The following DLGAP1 variants were observed in gnomAD, a reference collection of about 807,000 sequenced individuals.
DLGAP1 encodes disks large-associated protein 1.
A neutral mutation model predicts 90.8 loss-of-function variants in DLGAP1; 11 were observed. The ratio of observed to expected loss-of-function variants is 0.12; its 90% CI spans 0.08 to 0.20. DLGAP1 has a LOEUF of 0.20. Ranked by LOEUF, DLGAP1 falls within the 10% of genes least tolerant of loss-of-function variation. The pLI, the probability that DLGAP1 is intolerant of heterozygous loss-of-function variation, is 1.00. For missense variants in DLGAP1, 1,050 were observed against 1,333.8 expected (o/e 0.79, Z 3.31); for synonymous variants, 558 against 540.7 (o/e 1.03, Z -0.44).
At chr18:4,212,299 C>T (rs2077859641) in intron 1 of DLGAP1, among the ~76,000 whole-genome samples, 1 of 151,966 alleles carries the variant, frequency 6.6e-6, no homozygotes, top group Non-Finnish European at 1.5e-5. Flanking sequence ...TTAAAACATA[C>T]CATATATGTC....
At chr18:4,212,767 C>A (rs1450759288) in intron 1 of DLGAP1, among the ~76,000 whole-genome samples, 1 of 151,886 alleles carries the variant, frequency 6.6e-6, no homozygotes, top group Non-Finnish European at 1.5e-5. Context: ...ATATACGTCA[C>A]ATAGATTATA....
chr18:3,607,622 C>T (rs1274696065), intron 7 of DLGAP1: 1 of 152,214 alleles, frequency 6.6e-6, no homozygotes, highest in Non-Finnish European at 1.5e-5. Context: ...AACTGGGCTG[C>T]AGCATATTTT....
chr18:4,175,365 G>A (rs1239085899), intron 1 of DLGAP1, among the ~76,000 whole-genome samples: 1 of 152,090 alleles, frequency 6.6e-6, no homozygotes. Flanking sequence ...CATTCTGTAG[G>A]TTGTCTGTTG....
At chr18:4,372,305 A>C (rs1336094059) in intron 1 of DLGAP1, among the ~76,000 whole-genome samples, 4 of 152,242 alleles carry the variant, frequency 2.6e-5, no homozygotes, top group Non-Finnish European at 4.4e-5. Flanking sequence ...TTCATTCAAC[A>C]AGCCTTTACC....
chr18:3,871,802 C>T (rs186998568), intron 4 of DLGAP1, among the ~76,000 whole-genome samples: 40 of 152,280 alleles, frequency 2.6e-4, no homozygotes, highest in Admixed American at 2.2e-3. Flanking sequence ...TCAAAAACAG[C>T]ATGTGTATAA....
chr18:3,830,606 T>G (rs8092957), intron 4 of DLGAP1, among the ~76,000 whole-genome samples: 4,753 of 152,296 alleles, frequency 0.031, 223 homozygotes, highest in African/African-American at 0.1. Context: ...GACTCATCTT[T>G]TATTTAAGCC....
chr18:4,336,776 G>A (rs1049086729), intron 1 of DLGAP1, among the ~76,000 whole-genome samples: 1 of 152,050 alleles, frequency 6.6e-6, no homozygotes, highest in African/African-American at 2.4e-5. Flanking sequence ...GTTTGTTGTA[G>A]GGGCTTATAG....
At chr18:3,876,276 GCT>G (rs1485899725) in intron 4 of DLGAP1, among the ~76,000 whole-genome samples, 1 of 152,076 alleles carries the variant, frequency 6.6e-6, no homozygotes, top group Non-Finnish European at 1.5e-5. Flanking sequence ...TGAATATATG[GCT>G]CTTTCTTCCC....
At chr18:4,396,869 T>A (rs1742731085) in intron 1 of DLGAP1, among the ~76,000 whole-genome samples, 1 of 152,228 alleles carries the variant, frequency 6.6e-6, no homozygotes, top group Non-Finnish European at 1.5e-5. Context: ...CCATATTGCA[T>A]AATGTGCACA....
At chr18:3,814,361 ATTT>A (rs372490602) in intron 4 of DLGAP1, 88 bp from the exon 5 acceptor site, 2,296 of 873,226 alleles carry the variant, frequency 2.6e-3, no homozygotes, top group East Asian at 4.0e-3. Flanking sequence ...TAACATTTCT[ATTT>A]TTTTTTTTTT....
intron 1 of DLGAP1, among the ~76,000 whole-genome samples, chr18:4,317,685 G>A (rs574731092): frequency 8.5e-5 from 13 of 152,146 alleles, no homozygotes; most frequent in East Asian, 3.9e-4. Flanking sequence ...TTTTCCTCTC[G>A]AATCTCAAGT....
At chr18:3,677,282 C>T (rs531445336) in intron 7 of DLGAP1, among the ~76,000 whole-genome samples, 7 of 152,354 alleles carry the variant, frequency 4.6e-5, no homozygotes, top group African/African-American at 1.4e-4. Context: ...CACTCCTTCA[C>T]GTCCACTGAA....
At chr18:4,377,801 C>A (rs78913552) in intron 1 of DLGAP1, among the ~76,000 whole-genome samples, 28 of 152,016 alleles carry the variant, frequency 1.8e-4, no homozygotes, top group African/African-American at 6.7e-4. Context: ...ATCAGTAGAG[C>A]CTTTTCAGAA....
intron 1 of DLGAP1, among the ~76,000 whole-genome samples, chr18:4,428,196 T>G (rs748110717): frequency 2.6e-5 from 4 of 152,084 alleles, no homozygotes; most frequent in Non-Finnish European, 5.9e-5. Context: ...GGTGAGTGGA[T>G]CATGGGGGCA....
intron 3 of DLGAP1, among the ~76,000 whole-genome samples, chr18:4,002,692 G>A (rs2074218456): frequency 6.6e-6 from 1 of 152,154 alleles, no homozygotes; most frequent in East Asian, 1.9e-4. Flanking sequence ...CGTTTCTGGA[G>A]AGTCAAAAAT....
At chr18:4,167,362 T>C (rs1344427163) in intron 1 of DLGAP1, among the ~76,000 whole-genome samples, 1 of 152,166 alleles carries the variant, frequency 6.6e-6, no homozygotes, top group Non-Finnish European at 1.5e-5. Flanking sequence ...GTGGCTATGT[T>C]AATGTCAGAT....
At chr18:3,969,377 T>C (rs559506517) in intron 3 of DLGAP1, among the ~76,000 whole-genome samples, 31 of 152,346 alleles carry the variant, frequency 2.0e-4, no homozygotes, top group Non-Finnish European at 1.6e-4. Flanking sequence ...CGGTTACCAC[T>C]GGTTTTTGCA....
chr18:3,534,060 G>T, intron 10 of DLGAP1, 134 bp downstream of exon 10: 1 of 976,108 alleles, frequency 1.0e-6, no homozygotes, highest in Non-Finnish European at 1.5e-6. Flanking sequence ...TAGCTCTCCT[G>T]CATGTTCTGG....
chr18:4,108,151 G>A (rs897348729), intron 2 of DLGAP1, among the ~76,000 whole-genome samples: 2 of 152,068 alleles, frequency 1.3e-5, no homozygotes, highest in Non-Finnish European at 2.9e-5. Context: ...CCTGAAGTAG[G>A]TCATAAAACA....
Sources: gnomAD v4.1 joint callset for allele counts (sites outside exome capture counted in the v4.1 genomes callset) on GRCh38, gnomAD v4.1.1 for gene constraint, MANE v1.5 for transcripts, NCBI Gene and HGNC (gene_info 2026-07-23, HGNC 2026-07-21) for gene names.